Variants in DNAAF11 observed in about 807,000 individuals in gnomAD.
DNAAF11 encodes the protein leucine rich repeat containing 6.
Under a neutral mutation model 60.8 loss-of-function variants are expected in DNAAF11, and 45 were observed. That is an observed-to-expected ratio of 0.74 (90% CI 0.58 to 0.95). The LOEUF is 0.95. DNAAF11 is among the 40% of genes least tolerant of loss of function. The probability of loss-of-function intolerance (pLI) is 0.00; values close to 1 mark genes in which losing one functional copy is unlikely to be tolerated. For missense variants in DNAAF11, 546 were observed against 546.2 expected (o/e 1.00, Z 0.00); for synonymous variants, 191 against 183.5 (o/e 1.04, Z -0.33).
At chr8:132,578,593 G>C in intron 11 of DNAAF11, 1 of 792,754 alleles carries the variant, frequency 1.3e-6, no homozygotes, top group Admixed American at 2.6e-5. Flanking sequence ...TAATCACTAA[G>C]TGCAAAACAC....
chr8:132,608,812 A>T (rs558540578), intron 10 of DNAAF11, among the ~76,000 whole-genome samples: 85 of 152,314 alleles, frequency 5.6e-4, no homozygotes, highest in Non-Finnish European at 1.1e-3. Context: ...CAATTCTTAC[A>T]GCTGTGTTTG....
rs567636454 is a variant in DNAAF11 at position 132,659,285 on chromosome 8, G to C, written c.178+2175C>G. Among the ~76,000 whole-genome samples the C allele has an allele frequency of 3.3e-5, 5 of 152,342 alleles. No individual in the cohort carries two copies. In the East Asian group the frequency reaches 9.7e-4, roughly 29 times the overall value. On this transcript the variant is annotated intron_variant, in intron 2 of 11. Transcript: ENST00000620350. ...AAACTTCTACCTCAATGGCACAAGAGCAAGTCTGAATCCTAGAGGGGTGGT... is the reference window on the plus strand; with the variant it reads ...AAACTTCTACCTCAATGGCACAAGACCAAGTCTGAATCCTAGAGGGGTGGT...
At chr8:132,695,670 A>G in the DNAAF11 span, among the ~76,000 whole-genome samples, 1 of 152,202 alleles carries the variant, frequency 6.6e-6, no homozygotes, top group Non-Finnish European at 1.5e-5. Flanking sequence ...AATAGGACTT[A>G]GTAAGATGAT....
At chr8:132,630,950 T>C (rs1184241049) in intron 5 of DNAAF11, among the ~76,000 whole-genome samples, 2 of 152,206 alleles carry the variant, frequency 1.3e-5, no homozygotes, top group African/African-American at 4.8e-5. Context: ...TTATCACAAC[T>C]ACTCTAGAAA....
intron 3 of DNAAF11, among the ~76,000 whole-genome samples, chr8:132,652,812 G>A (rs937498872): frequency 2.0e-5 from 3 of 152,186 alleles, no homozygotes; most frequent in African/African-American, 7.2e-5. Flanking sequence ...GCTAGGGGAG[G>A]GATAGCATTA....
At chr8:132,668,358 T>C (rs1183435620) in intron 1 of DNAAF11, among the ~76,000 whole-genome samples, 4 of 152,032 alleles carry the variant, frequency 2.6e-5, no homozygotes, top group South Asian at 2.1e-4. Flanking sequence ...GAGAAGAACA[T>C]AGAAAGTATG....
chr8:132,631,633 G>A (rs1037972881), intron 5 of DNAAF11, among the ~76,000 whole-genome samples: 2 of 152,126 alleles, frequency 1.3e-5, no homozygotes, highest in Non-Finnish European at 2.9e-5. Flanking sequence ...CCAGCTTCAG[G>A]ATAGCAGACG....
chr8:132,693,830 A>C, the DNAAF11 span, among the ~76,000 whole-genome samples: 1 of 152,130 alleles, frequency 6.6e-6, no homozygotes, highest in African/African-American at 2.4e-5. Flanking sequence ...ATGCCCAGGG[A>C]AGGGCATGGT....
At chr8:132,633,898 A>G (rs1228566279) in intron 4 of DNAAF11, among the ~76,000 whole-genome samples, 1 of 152,206 alleles carries the variant, frequency 6.6e-6, no homozygotes, top group Admixed American at 6.5e-5. Context: ...GCCTGAAGAA[A>G]GAATAACCCT....
chr8:132,654,951 C>A (rs1367795869), intron 3 of DNAAF11, among the ~76,000 whole-genome samples: 1 of 151,462 alleles, frequency 6.6e-6, no homozygotes, highest in Non-Finnish European at 1.5e-5. Context: ...AAACAATAGA[C>A]AAAATCAACA....
At position 132,590,272 on chromosome 8, in the gene DNAAF11, C is replaced by A. The variant is rs369298618; in HGVS notation, c.1141-6493G>T. Among the ~76,000 whole-genome samples, 20 of 152,346 alleles carry A rather than the reference C, an allele frequency of 1.3e-4. No homozygotes were observed. The East Asian group carries it at 2.5e-3, about 19-fold the overall frequency. ...CAACCCCTGTCTGCATCAGCAACTTCTCCAGCAGTGGTAGAGTCTACTCTG... is the reference window on the plus strand; with the variant it reads ...CAACCCCTGTCTGCATCAGCAACTTATCCAGCAGTGGTAGAGTCTACTCTG... On this transcript the variant is annotated intron_variant, in intron 10 of 11. Coordinates refer to ENST00000620350, the MANE Select transcript of DNAAF11 (RefSeq NM_012472.6).
chr8:132,596,971 T>C (rs917162833), intron 10 of DNAAF11, among the ~76,000 whole-genome samples: 3 of 152,134 alleles, frequency 2.0e-5, no homozygotes, highest in South Asian at 2.1e-4. Flanking sequence ...TTCCTCCTCA[T>C]TGCTGGCAAT....
intron 7 of DNAAF11, among the ~76,000 whole-genome samples, 192 bp from the exon 8 acceptor site, chr8:132,615,289 A>C (rs555074391): frequency 6.6e-5 from 10 of 152,216 alleles, no homozygotes; most frequent in Admixed American, 3.3e-4. Flanking sequence ...CATATTAATA[A>C]ATTATTTGTG....
At chr8:132,651,515 C>A (rs916816045) in intron 3 of DNAAF11, among the ~76,000 whole-genome samples, 6 of 152,120 alleles carry the variant, frequency 3.9e-5, no homozygotes, top group Non-Finnish European at 5.9e-5. Context: ...CTACCCTACA[C>A]CCAGTTCATC....
intron 4 of DNAAF11, among the ~76,000 whole-genome samples, chr8:132,633,769 G>A (rs778141274): frequency 1.3e-5 from 2 of 152,174 alleles, no homozygotes; most frequent in Non-Finnish European, 2.9e-5. Flanking sequence ...GTCAGAGTTA[G>A]GGAGAGAGGT....
the DNAAF11 span, among the ~76,000 whole-genome samples, chr8:132,690,628 C>G: frequency 3.3e-5 from 5 of 150,298 alleles, no homozygotes; most frequent in Non-Finnish European, 7.4e-5. Flanking sequence ...TTTCCTTAGC[C>G]ATTACCTAAT....
chr8:132,656,942 T>A, intron 2 of DNAAF11, 35 bp from the exon 3 acceptor site: 2 of 753,012 alleles, frequency 2.7e-6, no homozygotes, highest in Non-Finnish European at 4.4e-6. Flanking sequence ...AGATAATTAA[T>A]CTTCAAAATA....
chr8:132,616,904 T>G (rs1819217789), intron 7 of DNAAF11, among the ~76,000 whole-genome samples: 1 of 152,120 alleles, frequency 6.6e-6, no homozygotes, highest in Non-Finnish European at 1.5e-5. Flanking sequence ...GTCCTTCCAC[T>G]GCAGGCTGGG....
At chr8:132,573,088 G>C (rs1814377896) in intron 11 of DNAAF11, among the ~76,000 whole-genome samples, 2 of 148,052 alleles carry the variant, frequency 1.4e-5, no homozygotes, top group Admixed American at 1.3e-4. Flanking sequence ...CCAATATCAT[G>C]GTCAGATATA....
Sources: gnomAD v4.1 joint callset for allele counts (sites outside exome capture counted in the v4.1 genomes callset) on GRCh38, gnomAD v4.1.1 for gene constraint, MANE v1.5 for transcripts, NCBI Gene and HGNC (gene_info 2026-07-23, HGNC 2026-07-21) for gene names.